Variants in NAV3 observed in about 807,000 individuals in gnomAD.
NAV3 encodes pore membrane and/or filament interacting like protein 1.
Under a neutral mutation model 244.7 loss-of-function variants are expected in NAV3, and 87 were observed. The ratio of observed to expected loss-of-function variants is 0.36; its 90% CI spans 0.30 to 0.42. NAV3 has a LOEUF of 0.42. NAV3 is among the 20% of genes least tolerant of loss of function. The pLI, the probability that NAV3 is intolerant of heterozygous loss-of-function variation, is 1.00. For missense variants in NAV3, 2,663 were observed against 2,893.3 expected (o/e 0.92, Z 1.83); for synonymous variants, 1,126 against 1,042.2 (o/e 1.08, Z -1.55).
At chr12:77,616,286 A>C (rs1871140305) in intron 2 of NAV3, among the ~76,000 whole-genome samples, 4 of 152,118 alleles carry the variant, frequency 2.6e-5, no homozygotes, top group African/African-American at 9.7e-5. Context: ...GGGCACCTGT[A>C]ATCCCAGCTA....
chr12:78,015,558 T>TGA (rs1876053597), intron 8 of NAV3, among the ~76,000 whole-genome samples: 1 of 152,108 alleles, frequency 6.6e-6, no homozygotes, highest in Non-Finnish European at 1.5e-5. Context: ...TCATTGGGTG[T>TGA]TTCATGATAT....
At chr12:77,757,863 G>A (rs1043979178) in intron 2 of NAV3, among the ~76,000 whole-genome samples, 1 of 152,146 alleles carries the variant, frequency 6.6e-6, no homozygotes, top group Admixed American at 6.5e-5. Flanking sequence ...GCATTATAAA[G>A]CCTTATGCAA....
intron 2 of NAV3, among the ~76,000 whole-genome samples, chr12:77,670,851 G>T (rs1312921866): frequency 1.3e-5 from 2 of 152,074 alleles, no homozygotes; most frequent in African/African-American, 4.8e-5. Context: ...GGAAAAAGTT[G>T]AAAGCATTCT....
At chr12:77,928,242 A>G (rs2951489) in intron 1 of NAV3, among the ~76,000 whole-genome samples, 22 of 137,870 alleles carry the variant, frequency 1.6e-4, no homozygotes, top group Admixed American at 3.0e-4. Context: ...AAAAAAAAAA[A>G]AGAGAGAGAG....
At chr12:77,932,241 C>A (rs943636930) in intron 1 of NAV3, among the ~76,000 whole-genome samples, 1 of 152,016 alleles carries the variant, frequency 6.6e-6, no homozygotes, top group African/African-American at 2.4e-5. Flanking sequence ...CCTGATAACC[C>A]TAAGTCCGGA....
At chr12:77,948,594 T>G (rs1048754275) in intron 3 of NAV3, among the ~76,000 whole-genome samples, 1 of 151,850 alleles carries the variant, frequency 6.6e-6, no homozygotes, top group Non-Finnish European at 1.5e-5. Flanking sequence ...TGAAGACATA[T>G]TTCGTAAGAA....
At chr12:77,921,804 G>A (rs144157429) in intron 1 of NAV3, among the ~76,000 whole-genome samples, 2 of 152,158 alleles carry the variant, frequency 1.3e-5, no homozygotes, top group East Asian at 3.9e-4. Context: ...AAATGTATGG[G>A]TATTGTAGAG....
intron 2 of NAV3, among the ~76,000 whole-genome samples, chr12:77,632,868 G>A (rs555748220): frequency 7.9e-5 from 12 of 152,232 alleles, no homozygotes; most frequent in Admixed American, 7.2e-4. Flanking sequence ...CAAATACAGA[G>A]ATATATCATA....
intron 2 of NAV3, among the ~76,000 whole-genome samples, chr12:77,766,869 C>G: frequency 6.7e-6 from 1 of 148,798 alleles, no homozygotes; most frequent in South Asian, 2.1e-4. Flanking sequence ...TTCTTCCTGC[C>G]TCATCCTCCT....
chr12:77,896,221 T>A (rs561406073), intron 1 of NAV3, among the ~76,000 whole-genome samples: 1 of 152,268 alleles, frequency 6.6e-6, no homozygotes, highest in South Asian at 2.1e-4. Flanking sequence ...AAGTTCACTG[T>A]AAGTCGATAT....
At chr12:77,771,621 G>A (rs2135879327) in intron 2 of NAV3, among the ~76,000 whole-genome samples, 1 of 152,310 alleles carries the variant, frequency 6.6e-6, no homozygotes, top group East Asian at 1.9e-4. Context: ...TAGGGACATG[G>A]ATGAAACTGG....
intron 2 of NAV3, among the ~76,000 whole-genome samples, chr12:77,626,777 A>C (rs1360097442): frequency 6.6e-6 from 1 of 152,210 alleles, no homozygotes; most frequent in Non-Finnish European, 1.5e-5. Context: ...ACTCATCTCC[A>C]TTAGACCAGT....
At chr12:77,849,800 A>G (rs1877224610) in intron 1 of NAV3, among the ~76,000 whole-genome samples, 2 of 152,162 alleles carry the variant, frequency 1.3e-5, no homozygotes, top group Non-Finnish European at 2.9e-5. Context: ...GAGTATACTA[A>G]GTCTACCTTG....
At position 78,127,466 on chromosome 12, in the gene NAV3, A is replaced by G. The variant is rs542922315; in HGVS notation, c.4280+258A>G. ...CACTATTTTGAAGAAATAATACTAA[A>G]CAAACAAACAAACAAAACAAAAACA... On this transcript the variant is annotated intron_variant, in intron 17 of 39. Transcript: ENST00000397909. Among the ~76,000 whole-genome samples, 7 of 152,104 alleles carry G rather than the reference A, an allele frequency of 4.6e-5. No individual in the cohort carries two copies. In the South Asian group the frequency reaches 1.5e-3, roughly 32 times the overall value.
chr12:77,891,984 G>A lies in NAV3; in HGVS notation c.244-48335G>A, dbSNP rs770384199. 5.8e-4 allele frequency among the ~76,000 whole-genome samples: 89 copies of A among 152,252 alleles called. 1 individual carries two copies. The highest frequency in any genetic ancestry group is 1.7e-3 in the South Asian group (8 of 4,828). On this transcript the variant is annotated intron_variant, in intron 1 of 39. Transcript: ENST00000397909. The stretch of plus-strand genomic sequence containing the variant: ...GCCTGTGGGGAGGGAAGTCATTTCT[G>A]TACTCTTTGTCAGTTTCATGGGTTT...
intron 2 of NAV3, among the ~76,000 whole-genome samples, chr12:77,625,508 C>T (rs889208114): frequency 3.9e-5 from 6 of 152,216 alleles, no homozygotes; most frequent in Admixed American, 1.3e-4. Context: ...TTATTATACT[C>T]GTGAAATGAT....
chr12:78,038,142 T>TATA (rs1383952126), intron 9 of NAV3, among the ~76,000 whole-genome samples: 8 of 152,214 alleles, frequency 5.3e-5, no homozygotes, highest in Non-Finnish European at 1.0e-4. Context: ...CTATAGTTTG[T>TATA]GACTAAACTT....
intron 2 of NAV3, among the ~76,000 whole-genome samples, chr12:77,648,864 GA>G (rs1209128963): frequency 1.3e-5 from 2 of 152,034 alleles, no homozygotes; most frequent in Non-Finnish European, 2.9e-5. Context: ...GAGCTGATTA[GA>G]AATGCTCTGA....
intron 17 of NAV3, 68 bp from the exon 18 acceptor site, chr12:78,128,637 GT>G (rs1956028996): frequency 6.7e-7 from 1 of 1,484,726 alleles, no homozygotes; most frequent in Non-Finnish European, 9.1e-7. Context: ...CCTCTGAATT[GT>G]TTTCCTGTCC....
Sources: gnomAD v4.1 joint callset for allele counts (sites outside exome capture counted in the v4.1 genomes callset) on GRCh38, gnomAD v4.1.1 for gene constraint, MANE v1.5 for transcripts, NCBI Gene and HGNC (gene_info 2026-07-23, HGNC 2026-07-21) for gene names.